Variants in OMA1 observed in about 807,000 individuals in gnomAD.
The protein encoded by OMA1 is metalloendopeptidase OMA1, mitochondrial.
A neutral mutation model predicts 30.9 loss-of-function variants in OMA1; 38 were observed. That is an observed-to-expected ratio of 1.23 (90% CI 0.95 to 1.61). OMA1 has a LOEUF of 1.61. Among genes scored for constraint, OMA1 ranks in the 40% most tolerant of loss-of-function variants. The probability of loss-of-function intolerance (pLI) is 0.00; values close to 1 mark genes in which losing one functional copy is unlikely to be tolerated. For missense variants in OMA1, 461 were observed against 349.2 expected (o/e 1.32, Z -2.55); for synonymous variants, 173 against 121.9 (o/e 1.42, Z -2.76).
chr1:58,497,769 C>T (rs747026747), intron 8 of OMA1, among the ~76,000 whole-genome samples: 49 of 152,162 alleles, frequency 3.2e-4, no homozygotes, highest in Non-Finnish European at 5.4e-4. Flanking sequence ...ACATAACAAA[C>T]CTTACCCTTG....
At chr1:58,533,860 A>G (rs1646474849) in intron 5 of OMA1, 93 bp downstream of exon 5, 3 of 763,974 alleles carry the variant, frequency 3.9e-6, no homozygotes, top group South Asian at 1.5e-5. Flanking sequence ...TATCATTTTT[A>G]AAAAACCTGA....
intron 7 of OMA1, among the ~76,000 whole-genome samples, chr1:58,516,444 T>C (rs889574526): frequency 4.6e-5 from 7 of 152,256 alleles, no homozygotes; most frequent in African/African-American, 1.7e-4. Context: ...AGCTGAAGAC[T>C]GAACAGCTTG....
chr1:58,527,829 C>G (rs1248036701), intron 6 of OMA1, among the ~76,000 whole-genome samples: 1 of 152,082 alleles, frequency 6.6e-6, no homozygotes, highest in Non-Finnish European at 1.5e-5. Context: ...TTTCCTTTTT[C>G]TTTTCTAAGT....
chr1:58,529,514 C>A (rs1646400486), intron 6 of OMA1, among the ~76,000 whole-genome samples: 1 of 152,190 alleles, frequency 6.6e-6, no homozygotes, highest in African/African-American at 2.4e-5. Context: ...AGTTAACAAA[C>A]ACCTAGTAAG....
intron 8 of OMA1, among the ~76,000 whole-genome samples, chr1:58,501,275 G>T (rs1238610796): frequency 1.3e-5 from 2 of 152,050 alleles, no homozygotes; most frequent in Non-Finnish European, 2.9e-5. Flanking sequence ...TAATGTGATG[G>T]GTTATCTTGA....
rs935766556 is a variant in OMA1 at position 58,494,344 on chromosome 1, G to A, written c.1365+11716C>T. Among the ~76,000 whole-genome samples the A allele has an allele frequency of 3.8e-3, 577 of 152,142 alleles. 2 individuals carry two copies. The highest frequency in any genetic ancestry group is 0.013 in the African/African-American group (559 of 41,522). On this transcript the variant is annotated intron_variant, in intron 8 of 8. Coordinates refer to ENST00000371226, the MANE Select transcript of OMA1 (RefSeq NM_145243.5). ...AAGAAAACCTAGGCAATACCATTCA[G>A]GACATAGGCATGGGCAAGGACTTCA...
chr1:58,500,573 T>C (rs1275845485), intron 8 of OMA1, among the ~76,000 whole-genome samples: 3 of 152,200 alleles, frequency 2.0e-5, no homozygotes, highest in Non-Finnish European at 2.9e-5. Context: ...TATCTAAAAA[T>C]TGAATGAAGT....
At chr1:58,519,059 T>C (rs1157354888) in intron 7 of OMA1, among the ~76,000 whole-genome samples, 2 of 152,172 alleles carry the variant, frequency 1.3e-5, no homozygotes, top group Non-Finnish European at 1.5e-5. Flanking sequence ...TCTTTGGCAA[T>C]TGATTGATTA....
chr1:58,509,370 A>G (rs184309535), intron 7 of OMA1, among the ~76,000 whole-genome samples: 3 of 152,122 alleles, frequency 2.0e-5, no homozygotes, highest in Admixed American at 2.0e-4. Context: ...ATTCTGAAGC[A>G]CACTCCTAAA....
chr1:58,499,925 A>G (rs1645879019), intron 8 of OMA1, among the ~76,000 whole-genome samples: 1 of 152,170 alleles, frequency 6.6e-6, no homozygotes, highest in Non-Finnish European at 1.5e-5. Context: ...TAAAACATCA[A>G]CTACTTATTC....
chr1:58,534,053 T>C lies in OMA1; in HGVS notation c.911A>G (p.Gln304Arg). The C allele has an allele frequency of 1.1e-6, 1 of 870,594 alleles. No individual in the cohort carries two copies. Among genetic ancestry groups the C allele is most frequent in the Non-Finnish European group, 2.0e-6 (1 of 501,186 alleles). 53.9% of individuals were successfully genotyped at this position (870,594 alleles called of 1,614,324 possible). A position where few individuals can be genotyped will look rare whatever the true frequency, so the allele number is the denominator to read the frequency against. ...TAAAAATCCAGTGAAAACAAACATT[T>C]GTCCATTCTGCACCACAAAGAAAAT... ...IINAFVLPNG[Q>R]MFVFTGFLNS... is the part of the protein sequence containing the mutation. The change falls in exon 5 of 9, where the codon CAA (glutamine) becomes CGA (arginine). Residue 304 changes from glutamine to arginine, a missense_variant. Transcript: ENST00000371226.
At chr1:58,492,389 G>A (rs1645712390) in intron 8 of OMA1, among the ~76,000 whole-genome samples, 1 of 151,208 alleles carries the variant, frequency 6.6e-6, no homozygotes, top group African/African-American at 2.4e-5. Flanking sequence ...TCAAAAGCTA[G>A]CAGAAGGCAA....
At chr1:58,514,545 T>C (rs1314877821) in intron 7 of OMA1, among the ~76,000 whole-genome samples, 2 of 152,112 alleles carry the variant, frequency 1.3e-5, no homozygotes, top group African/African-American at 4.8e-5. Context: ...ACTGAATGAA[T>C]CTGAATCTTT....
In OMA1 at chr1:58,538,775, A is replaced by G; in HGVS notation, c.500+20T>C. 1.4e-6 allele frequency: 1 copy of G among 734,854 alleles called. No individual in the cohort carries two copies. Among genetic ancestry groups the G allele is most frequent in the South Asian group, 2.0e-5 (1 of 49,598 alleles). The allele number at this position is 734,854 out of a possible 1,614,324, so 45.5% of individuals were successfully genotyped here. A position where few individuals can be genotyped will look rare whatever the true frequency, so the allele number is the denominator to read the frequency against. The stretch of plus-strand genomic sequence containing the variant: ...GCAAAAAGTTAATATAAAAGTTTTT[A>G]TTCTAAAAAAGCATTTTACCTGCCT... On this transcript the variant is annotated intron_variant, in intron 2 of 8. Transcript: ENST00000371226.
chr1:58,515,394 A>G (rs1234257669), intron 7 of OMA1, among the ~76,000 whole-genome samples: 1 of 152,172 alleles, frequency 6.6e-6, no homozygotes, highest in African/African-American at 2.4e-5. Flanking sequence ...GATTGCCAGC[A>G]GGTCATTTCA....
At chr1:58,538,245 A>G (rs1028417924) in intron 2 of OMA1, among the ~76,000 whole-genome samples, 2 of 152,208 alleles carry the variant, frequency 1.3e-5, no homozygotes, top group Admixed American at 6.5e-5. Context: ...AAATATTATT[A>G]TAAAGGATCA....
rs1438403850 is a variant in OMA1, at chr1:58,492,692, T to C, written c.1366-11518A>G. On this transcript the variant is annotated intron_variant, in intron 8 of 8. Transcript: ENST00000371226. ...AGAAATGGATAAATTCCTGGACACATACAGTCTCCCAAGACTAAACCAGGA... is the reference window on the plus strand; with the variant it reads ...AGAAATGGATAAATTCCTGGACACACACAGTCTCCCAAGACTAAACCAGGA... 3.9e-5 allele frequency among the ~76,000 whole-genome samples: 6 copies of C among 152,256 alleles called. No homozygotes were observed. The East Asian group carries it at 9.7e-4, about 24-fold the overall frequency.
At chr1:58,495,727 A>G (rs1329535501) in intron 8 of OMA1, among the ~76,000 whole-genome samples, 2 of 151,942 alleles carry the variant, frequency 1.3e-5, no homozygotes, top group Non-Finnish European at 2.9e-5. Flanking sequence ...TAGTTTTTGT[A>G]GATATCATAC....
intron 8 of OMA1, 105 bp downstream of exon 8, chr1:58,505,955 T>G (rs1458766041): frequency 1.6e-6 from 1 of 624,886 alleles, no homozygotes; most frequent in Non-Finnish European, 2.8e-6. Flanking sequence ...GTAATCAAAA[T>G]AGTTAATAGG....
Sources: gnomAD v4.1 joint callset for allele counts (sites outside exome capture counted in the v4.1 genomes callset) on GRCh38, gnomAD v4.1.1 for gene constraint, MANE v1.5 for transcripts, NCBI Gene and HGNC (gene_info 2026-07-23, HGNC 2026-07-21) for gene names.